Variants in SLC44A5 observed in about 807,000 individuals in gnomAD.
The protein encoded by SLC44A5 is solute carrier family 44 member 5.
In SLC44A5, 57 loss-of-function variants were observed where a neutral mutation model predicts 101.8. The ratio of observed to expected loss-of-function variants is 0.56; its 90% CI spans 0.45 to 0.70. The LOEUF (loss-of-function observed/expected upper bound fraction) is 0.70, where lower values mean the gene tolerates loss of function less well. SLC44A5 is among the 30% of genes least tolerant of loss of function. The pLI is 0.00. For missense variants in SLC44A5, 737 were observed against 853.1 expected, an observed-to-expected ratio of 0.86 and a Z score of 1.70; for synonymous variants, 281 against 290.9, an observed-to-expected ratio of 0.97 and a Z score of 0.35.
intron 1 of SLC44A5, among the ~76,000 whole-genome samples, chr1:75,581,016 A>G (rs992722544): frequency 1.3e-5 from 2 of 152,198 alleles, no homozygotes; most frequent in Admixed American, 6.5e-5. Context: ...AAGCCTAGCT[A>G]TAAACACAAG....
intron 4 of SLC44A5, among the ~76,000 whole-genome samples, chr1:75,322,871 T>A (rs76595604): frequency 0.019 from 2,892 of 152,288 alleles, 86 homozygotes; most frequent in Middle Eastern, 0.065. Context: ...GTGACTAAGC[T>A]TTTTCATGTT....
At chr1:75,565,619 G>A (rs1672748711) in intron 1 of SLC44A5, among the ~76,000 whole-genome samples, 1 of 152,068 alleles carries the variant, frequency 6.6e-6, no homozygotes. Context: ...TTCACTCCAG[G>A]CAGTAATGTA....
upstream of SLC44A5, among the ~76,000 whole-genome samples, chr1:75,614,965 G>T (rs930226776): frequency 1.3e-5 from 2 of 152,034 alleles, no homozygotes; most frequent in African/African-American, 4.8e-5. Flanking sequence ...GCGGGAGCGG[G>T]TGGCTTGCAC....
chr1:75,427,030 C>G (rs1315556553), intron 2 of SLC44A5, among the ~76,000 whole-genome samples: 1 of 152,280 alleles, frequency 6.6e-6, no homozygotes, highest in Admixed American at 6.5e-5. Flanking sequence ...TCCAGCATCC[C>G]CAGCAGCCCT....
At chr1:75,619,647 GT>G in the SLC44A5 span, among the ~76,000 whole-genome samples, 1 of 152,126 alleles carries the variant, frequency 6.6e-6, no homozygotes, top group Admixed American at 6.5e-5. Flanking sequence ...CCATGTGTCT[GT>G]TTTTAAATTT....
At chr1:75,582,505 T>C (rs1673753798) in intron 1 of SLC44A5, 1 of 576,010 alleles carries the variant, frequency 1.7e-6, no homozygotes, top group Non-Finnish European at 3.1e-6. Context: ...CAGCTCCAGC[T>C]TCAATTCCAG....
At chr1:75,354,869 C>A (rs1335739855) in intron 3 of SLC44A5, among the ~76,000 whole-genome samples, 2 of 152,142 alleles carry the variant, frequency 1.3e-5, no homozygotes, top group Non-Finnish European at 2.9e-5. Context: ...GAGCTCCGGG[C>A]TTCTTTTCTG....
chr1:75,548,545 CCCAAGTCAAGTAA>C (rs1463021170), intron 1 of SLC44A5, among the ~76,000 whole-genome samples: 1 of 152,048 alleles, frequency 6.6e-6, no homozygotes. Flanking sequence ...ATGCGGTTTT[CCCAAGTCAAGTAA>C]CCATGTCAAG....
chr1:75,582,625 G>T (rs1402375779), intron 1 of SLC44A5: 1 of 256,776 alleles, frequency 3.9e-6, no homozygotes, highest in East Asian at 8.9e-5. Context: ...ACTGCCGTCT[G>T]CATAGGGCTG....
the SLC44A5 span, among the ~76,000 whole-genome samples, chr1:75,649,465 C>T: frequency 6.6e-6 from 1 of 152,032 alleles, no homozygotes; most frequent in East Asian, 1.9e-4. Context: ...GGTCTGCCTT[C>T]CATTCACTTC....
At chr1:75,514,385 T>A (rs1219163872) in intron 2 of SLC44A5, among the ~76,000 whole-genome samples, 1 of 152,170 alleles carries the variant, frequency 6.6e-6, no homozygotes, top group Admixed American at 6.5e-5. Context: ...TGTGTTACAT[T>A]TCCAGATGAG....
chr1:75,431,869 A>G (rs998992407), intron 2 of SLC44A5, among the ~76,000 whole-genome samples: 1 of 152,182 alleles, frequency 6.6e-6, no homozygotes, highest in Admixed American at 6.5e-5. Flanking sequence ...ATTTCCTAGT[A>G]GTCAGAAAGT....
chr1:75,290,823 T>C (rs1428771422), intron 5 of SLC44A5, among the ~76,000 whole-genome samples: 1 of 152,230 alleles, frequency 6.6e-6, no homozygotes, highest in Admixed American at 6.5e-5. Flanking sequence ...TTCAGATATA[T>C]ACAGCAAGAC....
intron 1 of SLC44A5, among the ~76,000 whole-genome samples, chr1:75,561,185 A>G (rs1672499010): frequency 1.3e-5 from 2 of 152,186 alleles, no homozygotes; most frequent in Admixed American, 1.3e-4. Context: ...GTCCTTTGTA[A>G]TATGTCAAAA....
intron 1 of SLC44A5, among the ~76,000 whole-genome samples, chr1:75,578,356 C>T (rs1313795909): frequency 1.3e-5 from 2 of 152,110 alleles, no homozygotes; most frequent in Non-Finnish European, 2.9e-5. Flanking sequence ...ATATTTTTCT[C>T]TTGTCATTCT....
intron 2 of SLC44A5, among the ~76,000 whole-genome samples, chr1:75,494,122 G>A (rs1668554446): frequency 6.6e-6 from 1 of 152,180 alleles, no homozygotes. Context: ...CAAAGGGTGA[G>A]TGTGGCCCCA....
chr1:75,310,364 T>C (rs1249672), intron 4 of SLC44A5, among the ~76,000 whole-genome samples: 13,956 of 152,204 alleles, frequency 0.092, 2,132 homozygotes, highest in African/African-American at 0.32. Context: ...ATGTCACAAG[T>C]TGACTGCTGC....
At chr1:75,241,466 C>T (rs963256418) in intron 9 of SLC44A5, among the ~76,000 whole-genome samples, 166 of 152,090 alleles carry the variant, frequency 1.1e-3, no homozygotes, top group Non-Finnish European at 5.9e-4. Flanking sequence ...GCAATCCTCC[C>T]ACCTTGGCCT....
chr1:75,676,944 C>A, the SLC44A5 span, among the ~76,000 whole-genome samples: 1 of 152,188 alleles, frequency 6.6e-6, no homozygotes, highest in Non-Finnish European at 1.5e-5. Flanking sequence ...ACCTTACAGG[C>A]CAGGAGAGAG....
Sources: allele counts gnomAD v4.1 joint callset (sites outside exome capture counted in the v4.1 genomes callset), GRCh38; gene constraint gnomAD v4.1.1; transcripts MANE v1.5; gene names NCBI Gene and HGNC (gene_info 2026-07-23, HGNC 2026-07-21).